Variants in CDC23 observed in about 807,000 individuals in gnomAD.
CDC23 encodes cell division cycle 23.
A neutral mutation model predicts 81.7 loss-of-function variants in CDC23; 26 were observed. That is an observed-to-expected ratio of 0.32 (90% confidence interval 0.23 to 0.44). The LOEUF is 0.44. Among genes scored for constraint, CDC23 ranks in the 20% least tolerant of loss-of-function variants. The probability of loss-of-function intolerance (pLI) is 1.00; values close to 1 mark genes in which losing one functional copy is unlikely to be tolerated. For synonymous variants in CDC23, 267 were observed against 270.8 expected, an observed-to-expected ratio of 0.99 and a Z score of 0.14; for missense variants, 519 against 728.0, an observed-to-expected ratio of 0.71 and a Z score of 3.30.
At chr5:138,207,675 A>G (rs1755066657) in intron 2 of CDC23, among the ~76,000 whole-genome samples, 1 of 152,148 alleles carries the variant, frequency 6.6e-6, no homozygotes, top group Non-Finnish European at 1.5e-5. Flanking sequence ...AAAACATACA[A>G]TCCTTGGCTG....
intron 6 of CDC23, 46 bp from the exon 7 acceptor site, chr5:138,198,828 T>C: frequency 1.9e-6 from 3 of 1,559,408 alleles, no homozygotes; most frequent in Non-Finnish European, 2.6e-6. Flanking sequence ...ACTTGACCTC[T>C]CTCTCAAACA....
Position 138,206,677 on chromosome 5 carries a change from G to T in CDC23, c.242C>A (p.Ala81Asp). Residue 81 changes from alanine (A) to aspartate (D), a missense_variant, in exon 3 of 16, where the codon GCC (alanine) becomes GAC (aspartate). Physicochemically the swap from Ala to Asp is moderately radical, Grantham distance 126 (BLOSUM62 -2). Around this residue, in one of 4 missense-constraint regions of CDC23, gnomAD observed 126 missense variants for 116.2 expected, o/e 1.08. Coordinates refer to ENST00000394886, the MANE Select transcript of CDC23 (RefSeq NM_004661.4). ...CAGGGTATAGGCATCCATATCCTGG[G>T]CATCTTCCTAAAAAAGAAACAAGCT... Reference protein sequence around the residue: ...QPPPPITEEDAQDMDAYTLAK... With the variant: ...QPPPPITEEDDQDMDAYTLAK... 6.2e-7 allele frequency: 1 copy of T among 1,607,248 alleles called. No individual in the cohort carries two copies. Among genetic ancestry groups the T allele is most frequent in the Non-Finnish European group, 8.5e-7 (1 of 1,177,022 alleles).
At chr5:138,207,175 C>T (rs1439067034) in intron 2 of CDC23, among the ~76,000 whole-genome samples, 1 of 151,774 alleles carries the variant, frequency 6.6e-6, no homozygotes, top group Non-Finnish European at 1.5e-5. Context: ...CGACCGCACC[C>T]GGCCAAGTTT....
rs1274968606 is a variant in CDC23 at position 138,189,885 on chromosome 5, C to T, written c.1446G>A (p.Glu482=). 4 of 1,614,098 alleles carry T rather than the reference C, an allele frequency of 2.5e-6. No homozygotes were observed. Among genetic ancestry groups the T allele is most frequent in the South Asian group, 2.2e-5 (2 of 91,080 alleles). Residue 482 remains glutamate, a synonymous_variant, in exon 14 of 16, where the codon GAG becomes GAA. Transcript: ENST00000394886. ...KLAKLHEQLT[E]SEQAAQCYIK... is the part of the protein sequence containing the mutation. ...TGTAACACTGGGCAGCCTGTTCTGA[C>T]TCAGTCAACTGTTCATGAAGCCTAC...
intron 13 of CDC23, 86 bp from the exon 14 acceptor site, chr5:138,189,992 AAAC>A (rs1754808180): frequency 9.5e-7 from 1 of 1,053,606 alleles, no homozygotes; most frequent in African/African-American, 1.6e-5. Context: ...AGACCAAAAA[AAAC>A]AATACATAGG....
Position 138,191,884 on chromosome 5 carries a change from T to G in CDC23, c.1340A>C (p.Asn447Thr). 1 of 1,614,120 alleles carries G rather than the reference T, an allele frequency of 6.2e-7. No individual in the cohort carries two copies. The highest frequency in any genetic ancestry group is 1.1e-5 in the South Asian group (1 of 91,078). The change falls in exon 12 of 16, where the codon AAT becomes ACT. Residue 447 changes from asparagine to threonine, a missense_variant. Transcript: ENST00000394886. ...TACCTTTTTGGCTTCCACTAGTTGA[T>G]TGAGTTTCTCGTAACATTCTCCTAA... ...VALGECYEKLNQLVEAKKCYW... is the reference protein window; with the variant it reads ...VALGECYEKLTQLVEAKKCYW...
chr5:138,207,068 T>C (rs1490363586), intron 2 of CDC23, among the ~76,000 whole-genome samples: 1 of 151,906 alleles, frequency 6.6e-6, no homozygotes, highest in Non-Finnish European at 1.5e-5. Flanking sequence ...TTAGTAGTGA[T>C]GGGGTTTCGC....
chr5:138,197,895 A>G (rs1754935330), intron 9 of CDC23, among the ~76,000 whole-genome samples: 1 of 152,184 alleles, frequency 6.6e-6, no homozygotes, highest in Non-Finnish European at 1.5e-5. Context: ...TTCACATTCT[A>G]TGGTATGTAT....
chr5:138,195,758 C>CATATATTATATATGTGTATATATACAT, intron 9 of CDC23, among the ~76,000 whole-genome samples: 1 of 109,504 alleles, frequency 9.1e-6, no homozygotes, highest in Non-Finnish European at 1.8e-5. Flanking sequence ...TATATATATA[C>CATATATTATATATGTGTATATATACAT]ATATATTATA....
chr5:138,202,611 G>A (rs1048888604), intron 3 of CDC23, among the ~76,000 whole-genome samples: 13 of 152,016 alleles, frequency 8.6e-5, no homozygotes, highest in Non-Finnish European at 1.6e-4. Flanking sequence ...AACTCTTCAG[G>A]GCCTCCCTGG....
chr5:138,202,209 T>C, intron 3 of CDC23, 54 bp from the exon 4 acceptor site: 1 of 1,396,528 alleles, frequency 7.2e-7, no homozygotes, highest in Non-Finnish European at 1.0e-6. Flanking sequence ...TAAAACATAC[T>C]TTAAAACTAG....
chr5:138,207,772 G>A (rs1410292695), intron 2 of CDC23, among the ~76,000 whole-genome samples: 3 of 151,946 alleles, frequency 2.0e-5, no homozygotes, highest in African/African-American at 4.8e-5. Flanking sequence ...CCTGGGCAAC[G>A]TGGCAAGACC....
chr5:138,211,234 G>C (rs186988310), intron 2 of CDC23, among the ~76,000 whole-genome samples: 54 of 152,272 alleles, frequency 3.5e-4, no homozygotes, highest in Non-Finnish European at 6.9e-4. Flanking sequence ...GCAGCTAGAG[G>C]CCATTATCCA....
At chr5:138,197,560 G>A (rs1355656211) in intron 9 of CDC23, among the ~76,000 whole-genome samples, 1 of 148,060 alleles carries the variant, frequency 6.8e-6, no homozygotes, top group Non-Finnish European at 1.5e-5. Context: ...GTAGTGGCAC[G>A]ATCTTGGCTC....
chr5:138,206,525 G>T (rs1486480216), intron 3 of CDC23, 22 bp downstream of exon 3: 16 of 1,613,522 alleles, frequency 9.9e-6, no homozygotes, highest in Non-Finnish European at 1.4e-5. Flanking sequence ...AAGGCAGAAT[G>T]ACATTTTAAA....
chr5:138,194,774 T>G (rs985641715), intron 9 of CDC23, among the ~76,000 whole-genome samples: 3 of 146,902 alleles, frequency 2.0e-5, no homozygotes, highest in Admixed American at 7.1e-5. Context: ...CAGGCTGGAG[T>G]GCAATGGTAC....
At chr5:138,201,577 G>T in intron 4 of CDC23, 129 bp from the exon 5 acceptor site, 1 of 644,852 alleles carries the variant, frequency 1.6e-6, no homozygotes, top group Non-Finnish European at 2.5e-6. Context: ...AAACTCCTGG[G>T]CTCAAGTGAT....
rs144187471 is a variant in CDC23, at chr5:138,199,896, C to T, written c.655-1114G>A. On this transcript the variant is annotated intron_variant, in intron 6 of 15. Coordinates refer to ENST00000394886, the MANE Select transcript of CDC23 (RefSeq NM_004661.4). The stretch of plus-strand genomic sequence containing the variant: ...GATACAGATTTAGTGACATAAATCA[C>T]TACTGGGGGAAATCAACAAGACTTT... Among the ~76,000 whole-genome samples the T allele has an allele frequency of 3.7e-3, 560 of 152,236 alleles. 3 individuals carry two copies. Among genetic ancestry groups the T allele is most frequent in the African/African-American group, 0.013 (533 of 41,538 alleles).
rs17234730 is a variant in CDC23 at position 138,210,027 on chromosome 5, A to T, written c.234+2964T>A. Among the ~76,000 whole-genome samples, 587 of 152,188 alleles carry T rather than the reference A, an allele frequency of 3.9e-3. 1 individual carries two copies. The highest frequency in any genetic ancestry group is 8.9e-3 in the South Asian group (43 of 4,822). On this transcript the variant is annotated intron_variant, in intron 2 of 15. Coordinates refer to ENST00000394886, the MANE Select transcript of CDC23 (RefSeq NM_004661.4). ...TCAGGAGTTCGAGACCAGCCTGGCC[A>T]ACATGGTGAAACCTCCTCTCTACTA...
Sources: allele counts gnomAD v4.1 joint callset (sites outside exome capture counted in the v4.1 genomes callset), GRCh38; gene constraint gnomAD v4.1.1; regional missense constraint gnomAD v4.1.1; transcripts MANE v1.5; gene names NCBI Gene and HGNC (gene_info 2026-07-23, HGNC 2026-07-21).